RPRD1A: variants seen among roughly 807,000 people sequenced by gnomAD.
RPRD1A encodes regulation of nuclear pre-mRNA domain-containing protein 1A.
A neutral mutation model predicts 37.8 loss-of-function variants in RPRD1A; 9 were observed. That is an observed-to-expected ratio of 0.24 (90% confidence interval 0.14 to 0.42). The LOEUF is 0.42. Among genes scored for constraint, RPRD1A ranks in the 10% least tolerant of loss-of-function variants. The probability of loss-of-function intolerance (pLI) is 1.00; values close to 1 mark genes in which losing one functional copy is unlikely to be tolerated. For missense variants in RPRD1A, 255 were observed against 371.0 expected (o/e 0.69, Z 2.57); for synonymous variants, 138 against 139.7 (o/e 0.99, Z 0.08).
chr18:36,064,702 C>A (rs999959672), intron 1 of RPRD1A, among the ~76,000 whole-genome samples: 3 of 152,136 alleles, frequency 2.0e-5, no homozygotes, highest in African/African-American at 7.2e-5. Flanking sequence ...GTGGCTGGGG[C>A]CAGATAAGAG....
chr18:36,034,888 A>C (rs1912081658), intron 1 of RPRD1A, among the ~76,000 whole-genome samples: 1 of 152,236 alleles, frequency 6.6e-6, no homozygotes, highest in African/African-American at 2.4e-5. Flanking sequence ...GAGCAACCAG[A>C]AGCCCAACCT....
rs537446449 is a variant in RPRD1A, at chr18:36,052,662, G to A, written c.151+14592C>T. Among the ~76,000 whole-genome samples the A allele has an allele frequency of 8.5e-5, 13 of 152,170 alleles. No homozygotes were observed. In the South Asian group the frequency reaches 1.2e-3, roughly 15 times the overall value. ...CACCCAGGGTGGAGTGCAATCACAC[G>A]ATCTCAGCTCACTGCAACCTCCACC... is the stretch of plus-strand genomic sequence containing the variant. On this transcript the variant is annotated intron_variant, in intron 1 of 6. Coordinates refer to ENST00000399022, the MANE Select transcript of RPRD1A (RefSeq NM_018170.5).
At chr18:36,053,557 C>T (rs1913548737) in intron 1 of RPRD1A, among the ~76,000 whole-genome samples, 2 of 152,134 alleles carry the variant, frequency 1.3e-5, no homozygotes, top group African/African-American at 4.8e-5. Context: ...TTTATTTATC[C>T]ATTCATCTGC....
intron 1 of RPRD1A, among the ~76,000 whole-genome samples, chr18:36,066,134 A>G (rs1396599390): frequency 2.0e-5 from 3 of 152,216 alleles, no homozygotes; most frequent in Non-Finnish European, 2.9e-5. Context: ...ATTCAGGGCC[A>G]ATACACACAT....
At chr18:35,997,293 T>A (rs1909129984) in intron 6 of RPRD1A, among the ~76,000 whole-genome samples, 1 of 152,192 alleles carries the variant, frequency 6.6e-6, no homozygotes, top group African/African-American at 2.4e-5. Flanking sequence ...CACTACTATT[T>A]TCGGACCATG....
chr18:35,996,977 C>CAAAAAAAAAAAAAAA (rs200694089), intron 6 of RPRD1A, among the ~76,000 whole-genome samples: 2 of 55,620 alleles, frequency 3.6e-5, no homozygotes, highest in African/African-American at 1.5e-4. Context: ...GACCCTGTCT[C>CAAAAAAAAAAAAAAA]AAAAAAAAAA....
At chr18:36,020,425 G>A (rs1043062591) in intron 6 of RPRD1A, among the ~76,000 whole-genome samples, 1 of 152,070 alleles carries the variant, frequency 6.6e-6, no homozygotes, top group Non-Finnish European at 1.5e-5. Flanking sequence ...AAAATGAATG[G>A]CCTTGGACAG....
rs1369529471 is a variant in RPRD1A at position 35,989,864 on chromosome 18, T to C, written c.*3287A>G. 6.6e-6 allele frequency: 1 copy of C among 152,250 alleles called. No homozygotes were observed. Among genetic ancestry groups the C allele is most frequent in the Non-Finnish European group, 1.5e-5 (1 of 68,046 alleles). The allele number at this position is 152,250 out of a possible 1,614,324, so 9.4% of individuals were successfully genotyped here. A position where few individuals can be genotyped will look rare whatever the true frequency, so the allele number is the denominator to read the frequency against. On this transcript the variant is annotated 3_prime_UTR_variant, in exon 7 of 7. Transcript: ENST00000399022. ...ACATAAAACTTTATTAAGAACATCT[T>C]ATACTGTCATCAGATACAGCCAAAG...
chr18:36,016,513 G>T lies in RPRD1A; in HGVS notation c.789+10387C>A, dbSNP rs544828521. Among the ~76,000 whole-genome samples the T allele has an allele frequency of 1.9e-4, 29 of 152,216 alleles. No homozygotes were observed. The South Asian group carries it at 5.8e-3, about 30-fold the overall frequency. ...GCTGGGATTACAGGCATGAGCCACCGCGCCCGGCCTGTTTTGTTAAAACTG... is the reference window on the plus strand; with the variant it reads ...GCTGGGATTACAGGCATGAGCCACCTCGCCCGGCCTGTTTTGTTAAAACTG... On this transcript the variant is annotated intron_variant, in intron 6 of 6. Coordinates refer to ENST00000399022, the MANE Select transcript of RPRD1A (RefSeq NM_018170.5).
intron 6 of RPRD1A, among the ~76,000 whole-genome samples, chr18:36,008,768 A>C (rs1020963405): frequency 6.6e-6 from 1 of 151,586 alleles, no homozygotes; most frequent in Non-Finnish European, 1.5e-5. Flanking sequence ...ATCAAGTTTA[A>C]ACCACATCAG....
chr18:36,054,420 G>C (rs1913619028), intron 1 of RPRD1A, among the ~76,000 whole-genome samples: 1 of 152,202 alleles, frequency 6.6e-6, no homozygotes, highest in African/African-American at 2.4e-5. Context: ...GAACCAGGGA[G>C]GCAGAGGTTG....
intron 4 of RPRD1A, among the ~76,000 whole-genome samples, chr18:36,029,288 AAG>A (rs1911594728): frequency 1.3e-5 from 2 of 152,160 alleles, no homozygotes; most frequent in African/African-American, 4.8e-5. Context: ...TCATGGGGGA[AAG>A]AGCTCCTCCC....
intron 1 of RPRD1A, among the ~76,000 whole-genome samples, chr18:36,043,202 G>C (rs11664052): frequency 2.9e-5 from 4 of 138,550 alleles, no homozygotes; most frequent in East Asian, 2.4e-4. Flanking sequence ...GAATCGGGGG[G>C]GGGGGAAGAA....
In RPRD1A at chr18:35,993,069, A is replaced by G; in HGVS notation, c.*82T>C. ...GTTAGTGTTTCTTTCTCAACAATAT[A>G]CAAAAATAACACTACAGGACTATCC... On this transcript the variant is annotated 3_prime_UTR_variant, in exon 7 of 7. Transcript: ENST00000399022. 8.6e-7 allele frequency: 1 copy of G among 1,166,806 alleles called. No individual in the cohort carries two copies. Among genetic ancestry groups the G allele is most frequent in the South Asian group, 2.3e-5 (1 of 43,662 alleles). The allele number at this position is 1,166,806 out of a possible 1,614,324, so 72.3% of individuals were successfully genotyped here.
At chr18:36,006,373 G>C (rs556882760) in intron 6 of RPRD1A, among the ~76,000 whole-genome samples, 3 of 152,078 alleles carry the variant, frequency 2.0e-5, no homozygotes, top group Non-Finnish European at 4.4e-5. Context: ...GTAGAGACAG[G>C]GTCTCGCTAT....
Position 35,991,180 on chromosome 18 carries a change from A to C in RPRD1A, c.*1971T>G, listed in dbSNP as rs542427414. On this transcript the variant is annotated 3_prime_UTR_variant, in exon 7 of 7. Coordinates refer to ENST00000399022, the MANE Select transcript of RPRD1A (RefSeq NM_018170.5). ...TAAATGGAAAAAAATATATATTTTG[A>C]ATGGATAAATCACCACTTTAGCAGA... 1.3e-5 allele frequency: 2 copies of C among 152,358 alleles called. No homozygotes were observed. The highest frequency in any genetic ancestry group is 2.9e-5 in the Non-Finnish European group (2 of 68,038). The allele number at this position is 152,358 out of a possible 1,614,324, so 9.4% of individuals were successfully genotyped here. A position where few individuals can be genotyped will look rare whatever the true frequency, so the allele number is the denominator to read the frequency against.
At position 35,990,692 on chromosome 18, in the gene RPRD1A, A is replaced by C. The variant is rs1038555839; in HGVS notation, c.*2459T>G. On this transcript the variant is annotated 3_prime_UTR_variant, in exon 7 of 7. Transcript: ENST00000399022. The stretch of plus-strand genomic sequence containing the variant: ...GAGGGGTCAGACCAAACTGCACTCA[A>C]AGATGCATGATCTGCCTCAGGTGCA... The C allele has an allele frequency of 3.3e-5, 5 of 152,244 alleles. No individual in the cohort carries two copies. Among genetic ancestry groups the C allele is most frequent in the African/African-American group, 9.6e-5 (4 of 41,476 alleles). The allele number at this position is 152,244 out of a possible 1,614,324, so 9.4% of individuals were successfully genotyped here.
chr18:36,037,767 G>C, intron 1 of RPRD1A, among the ~76,000 whole-genome samples: 1 of 152,212 alleles, frequency 6.6e-6, no homozygotes, highest in East Asian at 1.9e-4. Context: ...CCAGGCTGAA[G>C]TGGTCTCAGA....
rs1377823925 is a variant in RPRD1A at position 35,990,998 on chromosome 18, A to T, written c.*2153T>A. The T allele has an allele frequency of 2.0e-5, 3 of 152,152 alleles. No individual in the cohort carries two copies. The East Asian group carries it at 5.8e-4, about 29-fold the overall frequency. The allele number at this position is 152,152 out of a possible 1,614,324, so 9.4% of individuals were successfully genotyped here. On this transcript the variant is annotated 3_prime_UTR_variant, in exon 7 of 7. Coordinates refer to ENST00000399022, the MANE Select transcript of RPRD1A (RefSeq NM_018170.5). ...TATCACAAATCTCATCAAGCTCTTTAAAAAAATAATGCATTTTTATCATAA... is the reference window on the plus strand; with the variant it reads ...TATCACAAATCTCATCAAGCTCTTTTAAAAAATAATGCATTTTTATCATAA...
Sources: gnomAD v4.1 joint callset for allele counts (sites outside exome capture counted in the v4.1 genomes callset) on GRCh38, gnomAD v4.1.1 for gene constraint, MANE v1.5 for transcripts, NCBI Gene and HGNC (gene_info 2026-07-23, HGNC 2026-07-21) for gene names.